The following CDH13 variants were observed in gnomAD, a reference collection of about 807,000 sequenced individuals.
CDH13 encodes the protein cadherin-13.
Under a neutral mutation model 63.8 loss-of-function variants are expected in CDH13, and 24 were observed. The observed-to-expected ratio is 0.38, with a 90% CI of 0.27 to 0.53. CDH13 has a LOEUF of 0.53. CDH13 is among the 20% of genes least tolerant of loss of function. CDH13 has a pLI of 0.85. For synonymous variants in CDH13, 503 were observed against 355.3 expected, an observed-to-expected ratio of 1.42 and a Z score of -4.67; for missense variants, 1,049 against 903.1, an observed-to-expected ratio of 1.16 and a Z score of -2.07.
At chr16:82,705,501 T>G (rs2031418159) in intron 1 of CDH13, among the ~76,000 whole-genome samples, 1 of 152,192 alleles carries the variant, frequency 6.6e-6, no homozygotes, top group Admixed American at 6.5e-5. Context: ...AACTACTTTT[T>G]GATTGTGAAG....
intron 3 of CDH13, among the ~76,000 whole-genome samples, chr16:83,088,539 C>T (rs749551875): frequency 6.6e-6 from 1 of 152,182 alleles, no homozygotes; most frequent in Non-Finnish European, 1.5e-5. Context: ...GTTTCTGATA[C>T]AGCCTTGGGC....
chr16:83,456,348 C>T (rs962778526), intron 6 of CDH13, among the ~76,000 whole-genome samples: 4 of 152,188 alleles, frequency 2.6e-5, no homozygotes, highest in African/African-American at 7.2e-5. Context: ...GAGGCCCCGT[C>T]TTAGGTAAAG....
At chr16:83,205,603 CTTTTT>C (rs141688507) in intron 4 of CDH13, among the ~76,000 whole-genome samples, 12 of 104,424 alleles carry the variant, frequency 1.1e-4, no homozygotes, top group Non-Finnish European at 1.2e-4. Context: ...AGAGGAAAAC[CTTTTT>C]TTTTTTTTTT....
intron 6 of CDH13, among the ~76,000 whole-genome samples, chr16:83,411,493 G>A (rs545945007): frequency 1.3e-5 from 2 of 152,006 alleles, no homozygotes; most frequent in South Asian, 4.2e-4. Flanking sequence ...CTCAATATGG[G>A]GGTTAGCACA....
intron 4 of CDH13, among the ~76,000 whole-genome samples, chr16:83,201,385 A>C (rs894803154): frequency 7.9e-5 from 12 of 151,500 alleles, no homozygotes; most frequent in African/African-American, 2.7e-4. Context: ...ATGATGCTGG[A>C]AGGAAAGGCA....
chr16:83,026,471 A>G (rs1351423303), intron 2 of CDH13, among the ~76,000 whole-genome samples: 4 of 151,944 alleles, frequency 2.6e-5, no homozygotes, highest in Non-Finnish European at 5.9e-5. Flanking sequence ...TTTCCCCCAC[A>G]GGGGTGAAAT....
At chr16:82,665,763 C>T (rs891031784) in intron 1 of CDH13, among the ~76,000 whole-genome samples, 3 of 151,986 alleles carry the variant, frequency 2.0e-5, no homozygotes, top group Non-Finnish European at 4.4e-5. Flanking sequence ...TAAATTGGAC[C>T]TACTGAACAG....
At chr16:82,705,075 C>T (rs900240928) in intron 1 of CDH13, 12 of 450,576 alleles carry the variant, frequency 2.7e-5, no homozygotes, top group Non-Finnish European at 4.9e-5. Flanking sequence ...CCAGTGAGGC[C>T]TACCATATAC....
Position 82,970,514 on chromosome 16 carries a change from C to G in CDH13, c.158-61496C>G, listed in dbSNP as rs1401820322. Among the ~76,000 whole-genome samples the G allele has an allele frequency of 3.5e-5, 5 of 142,776 alleles. 1 individual carries two copies. Among genetic ancestry groups the G allele is most frequent in the Non-Finnish European group, 7.8e-5 (5 of 63,878 alleles). 93.7% of individuals were successfully genotyped at this position (142,776 alleles called of 152,430 possible). A position where few individuals can be genotyped will look rare whatever the true frequency, so the allele number is the denominator to read the frequency against. Reference sequence around the variant, plus strand: ...TCCCGGGTTCACGCCATTCTCCTGCCTCAGCCTCCCGAGTAGCTGGGACTA... The same window carrying G: ...TCCCGGGTTCACGCCATTCTCCTGCGTCAGCCTCCCGAGTAGCTGGGACTA... On this transcript the variant is annotated intron_variant, in intron 2 of 13. Transcript: ENST00000567109.
intron 2 of CDH13, among the ~76,000 whole-genome samples, chr16:83,029,614 T>G (rs1018616694): frequency 1.3e-5 from 2 of 152,106 alleles, no homozygotes; most frequent in Non-Finnish European, 2.9e-5. Context: ...AGAAGCCAAA[T>G]AGGAGAGAGT....
chr16:82,840,382 GAA>G (rs11370711), intron 1 of CDH13, among the ~76,000 whole-genome samples: 10 of 139,452 alleles, frequency 7.2e-5, no homozygotes, highest in African/African-American at 2.7e-4. Context: ...CTCTGAAAAG[GAA>G]AAAAAAAAAA....
chr16:82,808,987 G>C (rs1347181902), intron 1 of CDH13, among the ~76,000 whole-genome samples: 1 of 152,108 alleles, frequency 6.6e-6, no homozygotes, highest in African/African-American at 2.4e-5. Context: ...CTGTAGATAT[G>C]TGTATATGTA....
intron 7 of CDH13, among the ~76,000 whole-genome samples, chr16:83,570,099 GT>G (rs1179382927): frequency 2.6e-5 from 4 of 152,130 alleles, no homozygotes; most frequent in Admixed American, 1.3e-4. Flanking sequence ...CCCTGGTCCT[GT>G]GTAGCCCCTG....
chr16:83,353,776 A>G (rs953061234), intron 6 of CDH13, among the ~76,000 whole-genome samples: 11 of 152,152 alleles, frequency 7.2e-5, no homozygotes, highest in Non-Finnish European at 1.2e-4. Flanking sequence ...TATCATTCAC[A>G]TTAGACCTTT....
At chr16:83,015,251 G>C (rs1914640573) in intron 2 of CDH13, among the ~76,000 whole-genome samples, 1 of 151,764 alleles carries the variant, frequency 6.6e-6, no homozygotes, top group Non-Finnish European at 1.5e-5. Context: ...ATTTTAAAAT[G>C]ACTATTAAAT....
intron 8 of CDH13, among the ~76,000 whole-genome samples, chr16:83,619,818 G>A (rs1467770765): frequency 6.6e-6 from 1 of 152,226 alleles, no homozygotes; most frequent in Non-Finnish European, 1.5e-5. Context: ...GGTCCTGAGG[G>A]TTCAGATTTC....
At chr16:83,148,021 C>A (rs893136130) in intron 4 of CDH13, among the ~76,000 whole-genome samples, 1 of 152,144 alleles carries the variant, frequency 6.6e-6, no homozygotes, top group African/African-American at 2.4e-5. Context: ...GCAACCTCAG[C>A]CTCCTAGGTA....
intron 10 of CDH13, among the ~76,000 whole-genome samples, chr16:83,712,009 G>T (rs1362208422): frequency 2.6e-5 from 4 of 152,206 alleles, no homozygotes; most frequent in African/African-American, 9.7e-5. Flanking sequence ...GTAGATGGCT[G>T]TCTTCTCCCT....
At chr16:83,690,777 A>C (rs1904780897) in intron 10 of CDH13, among the ~76,000 whole-genome samples, 1 of 152,122 alleles carries the variant, frequency 6.6e-6, no homozygotes, top group South Asian at 2.1e-4. Context: ...GCTGGAGTAC[A>C]GTGCCACGAT....
Sources: gnomAD v4.1 joint callset for allele counts (sites outside exome capture counted in the v4.1 genomes callset) on GRCh38, gnomAD v4.1.1 for gene constraint, MANE v1.5 for transcripts, NCBI Gene and HGNC (gene_info 2026-07-23, HGNC 2026-07-21) for gene names.